ANKS1B: variants seen among roughly 807,000 people sequenced by gnomAD.
ANKS1B encodes ankyrin repeat and sterile alpha motif domain-containing protein 1B.
In ANKS1B, 36 loss-of-function variants were observed where a neutral mutation model predicts 148.3. The ratio of observed to expected loss-of-function variants is 0.24; its 90% confidence interval spans 0.19 to 0.32. The LOEUF (loss-of-function observed/expected upper bound fraction) is 0.32. ANKS1B is among the 10% of genes least tolerant of loss of function. The pLI is 1.00. For synonymous variants in ANKS1B, 542 were observed against 560.8 expected (o/e 0.97, Z 0.47); for missense variants, 1,157 against 1,542.6 (o/e 0.75, Z 4.19).
intron 15 of ANKS1B, among the ~76,000 whole-genome samples, chr12:99,139,150 C>T (rs954645083): frequency 2.6e-5 from 4 of 151,300 alleles, no homozygotes; most frequent in African/African-American, 9.8e-5. Context: ...TATAGGCCAC[C>T]ATGCCCAGCT....
chr12:99,482,772 T>A (rs2096432531), intron 10 of ANKS1B, among the ~76,000 whole-genome samples: 1 of 151,954 alleles, frequency 6.6e-6, no homozygotes, highest in South Asian at 2.1e-4. Context: ...TTTGCAGCTG[T>A]TGTAAAAGGG....
intron 9 of ANKS1B, among the ~76,000 whole-genome samples, chr12:99,559,804 G>A (rs543379000): frequency 6.6e-6 from 1 of 152,324 alleles, no homozygotes; most frequent in South Asian, 2.1e-4. Flanking sequence ...GGATGGTGAA[G>A]ATAAGTATTG....
At chr12:99,558,055 CT>C (rs1323814334) in intron 9 of ANKS1B, among the ~76,000 whole-genome samples, 2 of 152,208 alleles carry the variant, frequency 1.3e-5, no homozygotes, top group Non-Finnish European at 2.9e-5. Flanking sequence ...TATTCTTAGA[CT>C]GCTAGCCACA....
intron 9 of ANKS1B, among the ~76,000 whole-genome samples, chr12:99,535,646 G>A (rs961976138): frequency 6.6e-6 from 1 of 152,010 alleles, no homozygotes; most frequent in East Asian, 1.9e-4. Context: ...TCATCTGCTT[G>A]TTAGATCAGC....
In ANKS1B at chr12:99,758,185, G is replaced by A. The variant is rs186122506; in HGVS notation, c.1128+14737C>T. Among the ~76,000 whole-genome samples the A allele has an allele frequency of 1.5e-3, 228 of 152,004 alleles. 1 individual carries two copies. Among genetic ancestry groups the A allele is most frequent in the African/African-American group, 4.9e-3 (202 of 41,516 alleles). ...AGTCTCATCTGGCAGTATAATATAG[G>A]TGTGGGTTAGAATTAAGAGAGACTG... On this transcript the variant is annotated intron_variant, in intron 8 of 26. Coordinates refer to ENST00000683438, the MANE Select transcript of ANKS1B (RefSeq NM_001352186.2).
intron 8 of ANKS1B, among the ~76,000 whole-genome samples, chr12:99,733,446 T>C (rs182737698): frequency 1.4e-4 from 21 of 152,302 alleles, no homozygotes; most frequent in Admixed American, 7.2e-4. Flanking sequence ...GGAGGTTTGT[T>C]ACAGCATTAT....
chr12:99,560,442 C>T (rs1476292047), intron 9 of ANKS1B, among the ~76,000 whole-genome samples: 4 of 151,804 alleles, frequency 2.6e-5, no homozygotes, highest in Non-Finnish European at 2.9e-5. Context: ...AAACCTTATC[C>T]GTATCCATTT....
At chr12:99,608,678 C>A (rs1231799581) in intron 9 of ANKS1B, among the ~76,000 whole-genome samples, 3 of 152,032 alleles carry the variant, frequency 2.0e-5, no homozygotes, top group South Asian at 4.2e-4. Flanking sequence ...AGGACTAACT[C>A]ATGACTCTTA....
At chr12:99,373,086 A>G (rs2093226685) in intron 12 of ANKS1B, among the ~76,000 whole-genome samples, 1 of 152,210 alleles carries the variant, frequency 6.6e-6, no homozygotes, top group African/African-American at 2.4e-5. Flanking sequence ...CAAGAAGATC[A>G]CTAGTAAATT....
chr12:99,669,555 T>TCTA (rs1298719528), intron 8 of ANKS1B, among the ~76,000 whole-genome samples: 2 of 152,150 alleles, frequency 1.3e-5, no homozygotes, highest in Non-Finnish European at 2.9e-5. Flanking sequence ...GCATGATCCC[T>TCTA]CTACTTGGGC....
chr12:99,707,817 C>G (rs1428925239), intron 8 of ANKS1B, among the ~76,000 whole-genome samples: 1 of 151,952 alleles, frequency 6.6e-6, no homozygotes, highest in African/African-American at 2.4e-5. Flanking sequence ...GTTATTATAA[C>G]TATATTGCTA....
At chr12:99,079,964 C>A (rs1292823514) in intron 16 of ANKS1B, 3 of 152,262 alleles carry the variant, frequency 2.0e-5, no homozygotes, top group Admixed American at 6.5e-5. Context: ...AGGCAACCCA[C>A]GGAAAAGCAC....
intron 9 of ANKS1B, among the ~76,000 whole-genome samples, chr12:99,575,197 G>A (rs2097504211): frequency 6.6e-6 from 1 of 152,060 alleles, no homozygotes; most frequent in Admixed American, 6.6e-5. Context: ...GGTCATTTTA[G>A]CAGAAACCTT....
intron 17 of ANKS1B, among the ~76,000 whole-genome samples, chr12:98,945,110 G>A (rs1235604882): frequency 6.6e-6 from 1 of 152,090 alleles, no homozygotes; most frequent in African/African-American, 2.4e-5. Flanking sequence ...TTATGTAGAA[G>A]GCAAAACACA....
intron 1 of ANKS1B, among the ~76,000 whole-genome samples, chr12:99,965,024 G>A (rs1463814343): frequency 6.6e-6 from 1 of 152,210 alleles, no homozygotes; most frequent in Non-Finnish European, 1.5e-5. Flanking sequence ...CTATAGAGAT[G>A]TAAATATGTG....
chr12:98,828,701 T>C (rs2099270538), intron 19 of ANKS1B, among the ~76,000 whole-genome samples: 1 of 152,184 alleles, frequency 6.6e-6, no homozygotes, highest in Admixed American at 6.5e-5. Flanking sequence ...TTTCAACTAG[T>C]CAAGGTGACA....
In ANKS1B at chr12:99,271,662, C is replaced by CTATATATATATATATATATATATA. The variant is rs59207203; in HGVS notation, c.1757-24822_1757-24799dup. Among the ~76,000 whole-genome samples, 605 of 94,064 alleles carry CTATATATATATATATATATATATA rather than the reference C, an allele frequency of 6.4e-3. 28 individuals are homozygous for CTATATATATATATATATATATATA. The highest frequency in any genetic ancestry group is 7.9e-3 in the Non-Finnish European group (378 of 47,594). The allele number at this position is 94,064 out of a possible 152,430, so 61.7% of individuals were successfully genotyped here. A position where few individuals can be genotyped will look rare whatever the true frequency, so the allele number is the denominator to read the frequency against. ...ATTCAGTCAGTAGTCAGTCAATAAA[C>CTATATATATATATATATATATATA]TATATATATATATATATATATATAT... On this transcript the variant is annotated intron_variant, in intron 12 of 26. Transcript: ENST00000683438.
chr12:99,233,459 T>C (rs1016558903), intron 14 of ANKS1B, among the ~76,000 whole-genome samples: 3 of 152,118 alleles, frequency 2.0e-5, no homozygotes, highest in South Asian at 2.1e-4. Flanking sequence ...CATGATGATG[T>C]AGAATATATT....
rs560423244 is a variant in ANKS1B, at chr12:99,090,310, T to C, written c.2527-5287A>G. Among the ~76,000 whole-genome samples, 6 of 152,338 alleles carry C rather than the reference T, an allele frequency of 3.9e-5. No individual in the cohort carries two copies. In the South Asian group the frequency reaches 1.2e-3, roughly 32 times the overall value. On this transcript the variant is annotated intron_variant, in intron 15 of 26. Transcript: ENST00000683438. Reference sequence around the variant, plus strand: ...ACGATATCTTATTCATTTAGCAAGCTTTCCTTCATATTATATATTGTAGAA... The same window carrying C: ...ACGATATCTTATTCATTTAGCAAGCCTTCCTTCATATTATATATTGTAGAA...
Sources: gnomAD v4.1 joint callset for allele counts (sites outside exome capture counted in the v4.1 genomes callset) on GRCh38, gnomAD v4.1.1 for gene constraint, MANE v1.5 for transcripts, NCBI Gene and HGNC (gene_info 2026-07-23, HGNC 2026-07-21) for gene names.